ZDHHC20: variants seen among roughly 807,000 people sequenced by gnomAD.
ZDHHC20 encodes the protein zDHHC palmitoyltransferase 20.
Under a neutral mutation model 57.8 loss-of-function variants are expected in ZDHHC20, and 43 were observed. The observed-to-expected ratio is 0.74, with a 90% confidence interval of 0.58 to 0.96. The LOEUF (loss-of-function observed/expected upper bound fraction) is 0.96, where lower values mean the gene tolerates loss of function less well. Ranked by LOEUF, ZDHHC20 falls within the 40% of genes least tolerant of loss-of-function variation. ZDHHC20 has a pLI of 0.00. For missense variants in ZDHHC20, 391 were observed against 441.1 expected, an observed-to-expected ratio of 0.89 and a Z score of 1.02; for synonymous variants, 157 against 153.0, an observed-to-expected ratio of 1.03 and a Z score of -0.19.
chr13:21,400,590 G>A (rs1877487095), intron 6 of ZDHHC20, 97 bp from the exon 7 acceptor site: 1 of 1,275,326 alleles, frequency 7.8e-7, no homozygotes, highest in South Asian at 1.4e-5. Flanking sequence ...CTGGTGTGGT[G>A]TGGGGAAGGG....
At chr13:21,442,511 T>C (rs1883279652) in intron 1 of ZDHHC20, among the ~76,000 whole-genome samples, 2 of 152,182 alleles carry the variant, frequency 1.3e-5, no homozygotes, top group Non-Finnish European at 2.9e-5. Flanking sequence ...TCCCAGCACT[T>C]TGGGAGGCCA....
At chr13:21,400,224 G>A (rs922932854) in intron 7 of ZDHHC20, 149 bp downstream of exon 7, 2 of 661,802 alleles carry the variant, frequency 3.0e-6, no homozygotes, top group African/African-American at 3.8e-5. Context: ...AAAGTAAATT[G>A]TAGCCCTATC....
chr13:21,388,136 G>A (rs1389818163), intron 8 of ZDHHC20, among the ~76,000 whole-genome samples: 3 of 152,116 alleles, frequency 2.0e-5, no homozygotes, highest in Non-Finnish European at 2.9e-5. Context: ...ATTTTGTCTC[G>A]ATAGAGACAT....
chr13:21,429,694 G>A (rs1035018964), intron 1 of ZDHHC20, among the ~76,000 whole-genome samples: 7 of 152,054 alleles, frequency 4.6e-5, no homozygotes, highest in Non-Finnish European at 7.4e-5. Flanking sequence ...CAACCATATC[G>A]TCTTTCTTCT....
chr13:21,401,520 T>G, intron 6 of ZDHHC20, 133 bp downstream of exon 6: 1 of 715,710 alleles, frequency 1.4e-6, no homozygotes, highest in Non-Finnish European at 2.3e-6. Context: ...TACATACAAA[T>G]CTATGCATAT....
At chr13:21,416,077 C>T (rs896414963) in intron 3 of ZDHHC20, among the ~76,000 whole-genome samples, 3 of 151,716 alleles carry the variant, frequency 2.0e-5, no homozygotes, top group African/African-American at 4.8e-5. Context: ...TGGTGGCATG[C>T]GCCTGTAGTC....
At chr13:21,431,003 G>T (rs1239907091) in intron 1 of ZDHHC20, among the ~76,000 whole-genome samples, 1 of 152,136 alleles carries the variant, frequency 6.6e-6, no homozygotes, top group East Asian at 1.9e-4. Context: ...CTGTTATATG[G>T]AGGTATGACA....
At chr13:21,441,486 C>T (rs551146341) in intron 1 of ZDHHC20, among the ~76,000 whole-genome samples, 13 of 149,854 alleles carry the variant, frequency 8.7e-5, no homozygotes, top group African/African-American at 2.4e-4. Context: ...CCTGGGTTCA[C>T]GCCATTCTCT....
intron 1 of ZDHHC20, among the ~76,000 whole-genome samples, chr13:21,435,928 G>A (rs1364715712): frequency 6.6e-6 from 1 of 152,168 alleles, no homozygotes; most frequent in Non-Finnish European, 1.5e-5. Context: ...TTGGGCTAAG[G>A]GAGCAATCTC....
At position 21,399,140 on chromosome 13, in the gene ZDHHC20, C is replaced by G. The variant is rs150857633; in HGVS notation, c.594+1233G>C. Reference sequence around the variant, plus strand: ...GGCAAATCACTTGAAGTCAGGAGCTCGAGACCAGCCTCGCCAGCATGGTGA... The same window carrying G: ...GGCAAATCACTTGAAGTCAGGAGCTGGAGACCAGCCTCGCCAGCATGGTGA... On this transcript the variant is annotated intron_variant, in intron 7 of 12. Transcript: ENST00000400590. 2.6e-5 allele frequency among the ~76,000 whole-genome samples: 4 copies of G among 152,024 alleles called. No individual in the cohort carries two copies. In the East Asian group the frequency reaches 7.7e-4, roughly 29 times the overall value.
intron 7 of ZDHHC20, among the ~76,000 whole-genome samples, chr13:21,392,501 C>G (rs184423087): frequency 2.1e-3 from 320 of 152,246 alleles, no homozygotes; most frequent in South Asian, 4.3e-3. Flanking sequence ...ATCTGTATGT[C>G]TACAGAGCCT....
At chr13:21,390,725 C>T (rs891630596) in intron 8 of ZDHHC20, among the ~76,000 whole-genome samples, 1 of 151,912 alleles carries the variant, frequency 6.6e-6, no homozygotes, top group Non-Finnish European at 1.5e-5. Context: ...CGTAGCAAGA[C>T]CCCATCTCCA....
intron 12 of ZDHHC20, chr13:21,377,909 G>A (rs1176111383): frequency 1.3e-5 from 2 of 152,282 alleles, no homozygotes; most frequent in Non-Finnish European, 2.9e-5. Context: ...TTCCTACTTA[G>A]CAATTTTCTC....
At chr13:21,430,317 A>G (rs1881762794) in intron 1 of ZDHHC20, among the ~76,000 whole-genome samples, 1 of 152,000 alleles carries the variant, frequency 6.6e-6, no homozygotes, top group Admixed American at 6.6e-5. Flanking sequence ...TTGGCTGGGA[A>G]GGGTAGAGGT....
intron 1 of ZDHHC20, among the ~76,000 whole-genome samples, chr13:21,433,220 CA>C (rs1167846481): frequency 6.6e-6 from 1 of 152,142 alleles, no homozygotes; most frequent in Non-Finnish European, 1.5e-5. Flanking sequence ...CTCAGCCTCC[CA>C]AGTAGCTAGG....
intron 1 of ZDHHC20, among the ~76,000 whole-genome samples, chr13:21,429,999 T>C (rs776465250): frequency 1.3e-5 from 2 of 152,208 alleles, no homozygotes; most frequent in East Asian, 1.9e-4. Flanking sequence ...CATAATTCAA[T>C]AGCAAATTGA....
In ZDHHC20 at chr13:21,446,896, A is replaced by C. The variant is rs552436797; in HGVS notation, c.118+12158T>G. On this transcript the variant is annotated intron_variant, in intron 1 of 12. Coordinates refer to ENST00000400590, the MANE Select transcript of ZDHHC20 (RefSeq NM_001330059.2). ...TAAAATTAGAGGAAGAGTGGAAAGG[A>C]AATTATGTCAGAGAAGTAATGAAGT... is the stretch of plus-strand genomic sequence containing the variant. Among the ~76,000 whole-genome samples the C allele has an allele frequency of 2.2e-4, 34 of 152,312 alleles. No individual in the cohort carries two copies. In the South Asian group the frequency reaches 7.1e-3, roughly 32 times the overall value.
chr13:21,413,607 T>C, intron 4 of ZDHHC20, 45 bp downstream of exon 4: 2 of 1,541,514 alleles, frequency 1.3e-6, no homozygotes, highest in Non-Finnish European at 1.7e-6. Flanking sequence ...GGAATAAGCA[T>C]ACTTTAAAAA....
intron 3 of ZDHHC20, among the ~76,000 whole-genome samples, chr13:21,418,969 G>A (rs754649190): frequency 1.3e-5 from 2 of 152,092 alleles, no homozygotes; most frequent in African/African-American, 2.4e-5. Context: ...AAGCCACCAC[G>A]CCTGGCCTGC....
Sources: allele counts gnomAD v4.1 joint callset (sites outside exome capture counted in the v4.1 genomes callset), GRCh38; gene constraint gnomAD v4.1.1; transcripts MANE v1.5; gene names NCBI Gene and HGNC (gene_info 2026-07-23, HGNC 2026-07-21).